Variants in IGF1R observed in about 807,000 individuals in gnomAD.
The protein encoded by IGF1R is insulin-like growth factor 1 receptor.
IGF1R carries 44 observed loss-of-function variants against 144.6 expected under a neutral mutation model. The ratio of observed to expected loss-of-function variants is 0.30; its 90% CI spans 0.24 to 0.39. The LOEUF (loss-of-function observed/expected upper bound fraction) is 0.39. Among genes scored for constraint, IGF1R ranks in the 10% least tolerant of loss-of-function variants. The pLI, the probability that IGF1R is intolerant of heterozygous loss-of-function variation, is 1.00. For synonymous variants in IGF1R, 795 were observed against 722.8 expected (o/e 1.10, Z -1.60); for missense variants, 1,355 against 1,833.7 (o/e 0.74, Z 4.77).
intron 2 of IGF1R, among the ~76,000 whole-genome samples, chr15:98,803,341 A>C (rs1036610287): frequency 5.9e-5 from 9 of 152,098 alleles, no homozygotes; most frequent in South Asian, 2.1e-4. Flanking sequence ...AATATAGTGT[A>C]AAAGATAAAA....
At position 98,945,180 on chromosome 15, in the gene IGF1R, C is replaced by T. The variant is rs189112281; in HGVS notation, c.3587+2128C>T. Among the ~76,000 whole-genome samples, 39 of 152,342 alleles carry T rather than the reference C, an allele frequency of 2.6e-4. No homozygotes were observed. In the East Asian group the frequency reaches 6.6e-3, roughly 26 times the overall value. ...CACAGCCTAGAGCTGTGCTTCTTCC[C>T]GAGCATCTGGATCACCCAACACATA... is the stretch of plus-strand genomic sequence containing the variant. On this transcript the variant is annotated intron_variant, in intron 19 of 20. Transcript: ENST00000650285.
chr15:98,739,087 A>T (rs565964399), intron 2 of IGF1R, among the ~76,000 whole-genome samples: 4 of 152,336 alleles, frequency 2.6e-5, no homozygotes, highest in East Asian at 1.9e-4. Context: ...GTGTGGAAAC[A>T]GTGTGTTCAC....
chr15:98,717,332 G>A (rs2054141701), intron 2 of IGF1R, among the ~76,000 whole-genome samples: 1 of 71,300 alleles, frequency 1.4e-5, no homozygotes, highest in Non-Finnish European at 2.9e-5. Flanking sequence ...GGCAGCTGCT[G>A]CTATTTTTTT....
At position 98,772,475 on chromosome 15, in the gene IGF1R, A is replaced by AAAT. The variant is rs1296834032; in HGVS notation, c.640+64369_640+64371dup. Reference sequence around the variant, plus strand: ...AGACTTCATTCAAGAGGTCACTTAAAAATTATTATTATTATTATTATTATT... The same window carrying AAAT: ...AGACTTCATTCAAGAGGTCACTTAAAAATAATTATTATTATTATTATTATTATT... On this transcript the variant is annotated intron_variant, in intron 2 of 20. Transcript: ENST00000650285. 1.9e-4 allele frequency among the ~76,000 whole-genome samples: 11 copies of AAAT among 57,272 alleles called. 1 individual carries two copies. The South Asian group carries it at 2.1e-3, about 11-fold the overall frequency. 37.6% of individuals were successfully genotyped at this position (57,272 alleles called of 152,430 possible).
chr15:98,753,389 T>TTC (rs2055069333), intron 2 of IGF1R, among the ~76,000 whole-genome samples: 2 of 139,364 alleles, frequency 1.4e-5, no homozygotes, highest in Non-Finnish European at 3.2e-5. Context: ...GCTTTTTTTT[T>TTC]TTTTTTTTTT....
chr15:98,711,020 C>T (rs2053979518), intron 2 of IGF1R, among the ~76,000 whole-genome samples: 1 of 151,972 alleles, frequency 6.6e-6, no homozygotes, highest in South Asian at 2.1e-4. Context: ...ACAGATGTGG[C>T]TTGCATTCTG....
chr15:98,934,115 CTTT>C (rs5814913), intron 15 of IGF1R, among the ~76,000 whole-genome samples: 13 of 137,518 alleles, frequency 9.5e-5, no homozygotes, highest in East Asian at 2.1e-4. Context: ...AAATATTTCA[CTTT>C]TTTTTTTTTT....
At chr15:98,905,186 A>C (rs2014673527) in intron 5 of IGF1R, among the ~76,000 whole-genome samples, 1 of 152,216 alleles carries the variant, frequency 6.6e-6, no homozygotes, top group African/African-American at 2.4e-5. Flanking sequence ...TAGAGATAAC[A>C]TAGAGATGTC....
intron 2 of IGF1R, among the ~76,000 whole-genome samples, chr15:98,840,509 G>A (rs2011155068): frequency 6.6e-6 from 1 of 152,146 alleles, no homozygotes; most frequent in African/African-American, 2.4e-5. Flanking sequence ...GAGCGCAGTA[G>A]TGCAGTCGTG....
chr15:98,821,857 G>C (rs940832181), intron 2 of IGF1R, among the ~76,000 whole-genome samples: 9 of 126,952 alleles, frequency 7.1e-5, no homozygotes, highest in Non-Finnish European at 1.5e-4. Flanking sequence ...ACACACGGGT[G>C]TATGTGTGCA....
Position 98,682,683 on chromosome 15 carries a change from G to C in IGF1R, c.95-24879G>C, listed in dbSNP as rs150745670. On this transcript the variant is annotated intron_variant, in intron 1 of 20. Coordinates refer to ENST00000650285, the MANE Select transcript of IGF1R (RefSeq NM_000875.5). ...CTGCCTCAGCCTTCCAGGTAGCTGGGATTACAGGCACGTGCCACCATGCCT... is the reference window on the plus strand; with the variant it reads ...CTGCCTCAGCCTTCCAGGTAGCTGGCATTACAGGCACGTGCCACCATGCCT... 4.6e-3 allele frequency among the ~76,000 whole-genome samples: 697 copies of C among 152,118 alleles called. 10 individuals are homozygous for C. The highest frequency in any genetic ancestry group is 0.016 in the African/African-American group (660 of 41,468).
At chr15:98,899,714 C>T (rs2014381986) in intron 5 of IGF1R, 93 bp downstream of exon 5, 1 of 1,298,000 alleles carries the variant, frequency 7.7e-7, no homozygotes, top group Admixed American at 1.7e-5. Context: ...CCCTCCCTGC[C>T]TTGTTAAAGA....
intron 2 of IGF1R, among the ~76,000 whole-genome samples, chr15:98,869,846 C>G (rs775708728): frequency 4.5e-4 from 69 of 152,162 alleles, no homozygotes; most frequent in Non-Finnish European, 9.6e-4. Flanking sequence ...GAAAGTTTGC[C>G]TATGTAGTCG....
chr15:98,911,269 G>A, intron 6 of IGF1R, 46 bp from the exon 7 acceptor site: 1 of 1,613,172 alleles, frequency 6.2e-7, no homozygotes, highest in Non-Finnish European at 8.5e-7. Flanking sequence ...GTGCTTTTCA[G>A]AGACACATGA....
In IGF1R at chr15:98,934,833, C is replaced by A; in HGVS notation, c.2966C>A (p.Pro989His). The change falls in exon 16 of 21, where the codon CCT becomes CAT. Residue 989 changes from proline to histidine, a missense_variant. Coordinates refer to ENST00000650285, the MANE Select transcript of IGF1R (RefSeq NM_000875.5). Reference protein sequence around the residue: ...EYFSAADVYVPDEWEVAREKI... With the variant: ...EYFSAADVYVHDEWEVAREKI... ...ACGGTTTCTTCTCCAGTGTACGTTC[C>A]TGATGAGTGGGAGGTGGCTCGGGAG... 2 of 1,614,042 alleles carry A rather than the reference C, an allele frequency of 1.2e-6. No homozygotes were observed. Among genetic ancestry groups the A allele is most frequent in the Non-Finnish European group, 1.7e-6 (2 of 1,179,966 alleles).
chr15:98,915,536 A>G (rs143351983), intron 8 of IGF1R, among the ~76,000 whole-genome samples: 2 of 152,302 alleles, frequency 1.3e-5, no homozygotes, highest in Middle Eastern at 3.4e-3. Context: ...CATTTTTATC[A>G]GAGATTCAAA....
intron 2 of IGF1R, among the ~76,000 whole-genome samples, chr15:98,771,621 A>G (rs2055587788): frequency 6.6e-6 from 1 of 152,178 alleles, no homozygotes; most frequent in Non-Finnish European, 1.5e-5. Flanking sequence ...TGAGGCCTGC[A>G]TGCATGTTGA....
At chr15:98,690,065 G>C (rs1049331386) in intron 1 of IGF1R, among the ~76,000 whole-genome samples, 1 of 152,102 alleles carries the variant, frequency 6.6e-6, no homozygotes, top group African/African-American at 2.4e-5. Context: ...TGCTTGGCTG[G>C]GCATGGTGGC....
At chr15:98,754,734 C>T (rs1478703950) in intron 2 of IGF1R, among the ~76,000 whole-genome samples, 1 of 152,176 alleles carries the variant, frequency 6.6e-6, no homozygotes, top group Non-Finnish European at 1.5e-5. Context: ...GACTGATTTG[C>T]AGGTTAGGTG....
Sources: gnomAD v4.1 joint callset for allele counts (sites outside exome capture counted in the v4.1 genomes callset) on GRCh38, gnomAD v4.1.1 for gene constraint, MANE v1.5 for transcripts, NCBI Gene and HGNC (gene_info 2026-07-23, HGNC 2026-07-21) for gene names.